Variants in MMP3 observed in about 807,000 individuals in gnomAD.
The protein encoded by MMP3 is matrix metallopeptidase 3, also known as stromelysin-1.
A neutral mutation model predicts 47.3 loss-of-function variants in MMP3; 46 were observed. The ratio of observed to expected loss-of-function variants is 0.97; its 90% CI spans 0.77 to 1.24. MMP3 has a LOEUF of 1.24. Ranked by LOEUF, MMP3 falls within the 50% of genes most tolerant of loss-of-function variation. MMP3 has a pLI of 0.00. For synonymous variants in MMP3, 216 were observed against 206.5 expected (o/e 1.05, Z -0.39); for missense variants, 558 against 565.5 (o/e 0.99, Z 0.13).
In MMP3 at chr11:102,836,117, A is replaced by T. The variant is rs781803923; in HGVS notation, c.*9T>A. On this transcript the variant is annotated 3_prime_UTR_variant, in exon 10 of 10. Transcript: ENST00000299855. The surrounding 1 kb of genome is among the most constrained non-coding windows in gnomAD (Gnocchi z 4.6). ...AAAGTGCCCATATTGTGCCTTCTAC[A>T]TATCTCTTTCAACAATTAAGCCAGC... 1.2e-6 allele frequency: 2 copies of T among 1,604,480 alleles called. No homozygotes were observed. Among genetic ancestry groups the T allele is most frequent in the South Asian group, 2.2e-5 (2 of 90,778 alleles).
chr11:102,839,175 G>A lies in MMP3; in HGVS notation c.1004C>T (p.Ser335Phe), dbSNP rs994597015. ...ELHLISSFWP[S>F]LPSGVDAAYE... is the part of the protein sequence containing the mutation. ...TGCGGCATCCACGCCTGAAGGAAGA[G>A]ATGGCCAAAATGAAGAGATCAAATG... is the stretch of plus-strand genomic sequence containing the variant. The change falls in exon 7 of 10, where the codon TCT (serine) becomes TTT (phenylalanine). Residue 335 changes from serine to phenylalanine, a missense_variant. Physicochemically the swap from Ser to Phe is radical, Grantham distance 155. Coordinates refer to ENST00000299855, the MANE Select transcript of MMP3 (RefSeq NM_002422.5). 2.5e-6 allele frequency: 4 copies of A among 1,614,154 alleles called. No homozygotes were observed. Among genetic ancestry groups the A allele is most frequent in the Non-Finnish European group, 3.4e-6 (4 of 1,180,016 alleles).
chr11:102,839,974 G>T (rs1018925352), intron 6 of MMP3, 134 bp downstream of exon 6: 2 of 987,458 alleles, frequency 2.0e-6, no homozygotes, highest in Non-Finnish European at 1.4e-6. Flanking sequence ...GGCAGCACCA[G>T]ATCTAAATGA....
chr11:102,839,309 A>G lies in MMP3; in HGVS notation c.936-66T>C, dbSNP rs1476853454. ...CTTTCACCTTTAGAATATTTTCCTC[A>G]CCGTCTTGCCTCACCCAGCTTCCCC... On this transcript the variant is annotated intron_variant, in intron 6 of 9. Transcript: ENST00000299855. The G allele has an allele frequency of 1.9e-6, 3 of 1,590,334 alleles. No individual in the cohort carries two copies. The African/African-American group carries it at 4.0e-5, about 21-fold the overall frequency.
chr11:102,843,299 C>G, intron 1 of MMP3, 143 bp downstream of exon 1: 1 of 659,872 alleles, frequency 1.5e-6, no homozygotes, highest in South Asian at 1.9e-5. Flanking sequence ...ACCTTTTCCA[C>G]TTCCAACACT....
chr11:102,837,408 C>A lies in MMP3; in HGVS notation c.1230-7G>T. On this transcript the variant is annotated splice_region_variant and splice_polypyrimidine_tract_variant and intron_variant, in intron 8 of 9. Transcript: ENST00000299855. The surrounding 1 kb of genome is among the most constrained non-coding windows in gnomAD (Gnocchi z 4.4). ...ATTTCTCTTCTCATCAAATCTGTAC[C>A]AAGTAAAAGAAACAGCTCAGCATTG... 1 of 1,607,912 alleles carries A rather than the reference C, an allele frequency of 6.2e-7. No individual in the cohort carries two copies. Among genetic ancestry groups the A allele is most frequent in the South Asian group, 1.1e-5 (1 of 90,842 alleles).
At chr11:102,840,698 G>C in intron 4 of MMP3, 105 bp from the exon 5 acceptor site, 1 of 1,122,644 alleles carries the variant, frequency 8.9e-7, no homozygotes, top group Non-Finnish European at 1.3e-6. Flanking sequence ...AACCACACAG[G>C]GCTTTTTACA....
At chr11:102,838,224 C>T (rs1858920185) in intron 8 of MMP3, among the ~76,000 whole-genome samples, 1 of 152,144 alleles carries the variant, frequency 6.6e-6, no homozygotes, top group African/African-American at 2.4e-5. Flanking sequence ...CTAAAGTCCA[C>T]GAGGGAAAGC....
At position 102,840,567 on chromosome 11, in the gene MMP3, G is replaced by C. The variant is rs1858978108; in HGVS notation, c.652C>G (p.His218Asp). 6.2e-7 allele frequency: 1 copy of C among 1,612,336 alleles called. No individual in the cohort carries two copies. Among genetic ancestry groups the C allele is most frequent in the Admixed American group, 1.7e-5 (1 of 59,424 alleles). ...TGTNLFLVAA[H>D]EIGHSLGLFH... is the part of the protein sequence containing the mutation. ...AGACCCAGGGAGTGGCCAATTTCAT[G>C]AGCAGCAACGAGAAATAAATTGGTC... Residue 218 changes from histidine (H) to aspartate (D), a missense_variant, in exon 5 of 10, where the codon CAT becomes GAT. Transcript: ENST00000299855.
At chr11:102,840,704 T>C in intron 4 of MMP3, 111 bp from the exon 5 acceptor site, 1 of 1,059,506 alleles carries the variant, frequency 9.4e-7, no homozygotes, top group Non-Finnish European at 1.3e-6. Context: ...ACAGGGCTTT[T>C]TACACCTTGT....
In MMP3 at chr11:102,836,165, C is replaced by T. The variant is rs1555004512; in HGVS notation, c.1395G>A (p.Val465=). Residue 465 remains valine, a synonymous_variant, in exon 10 of 10, where the codon GTG becomes GTA. Coordinates refer to ENST00000299855, the MANE Select transcript of MMP3 (RefSeq NM_002422.5). This position sits in a 1 kb window ranked among gnomAD's most constrained non-coding sequence, Gnocchi z 4.6. ...QLEFDPNAKK[V]THTLKSNSWL... ...AGCTGTTACTCTTCAAAGTGTGTGT[C>T]ACTTTCTTTGCATTTGGGTCAAACT... The T allele has an allele frequency of 1.2e-6, 2 of 1,614,028 alleles. No homozygotes were observed. Among genetic ancestry groups the T allele is most frequent in the South Asian group, 2.2e-5 (2 of 91,064 alleles).
At chr11:102,840,618 G>A (rs373918413) in intron 4 of MMP3, 25 bp from the exon 5 acceptor site, 63 of 1,610,258 alleles carry the variant, frequency 3.9e-5, no homozygotes, top group Non-Finnish European at 4.9e-5. Context: ...GAGAACAATA[G>A]TTACTTATTT....
Position 102,838,671 on chromosome 11 carries a change from G to C in MMP3, c.1109C>G (p.Ala370Gly). ...FWAIRGNEVR[A>G]GYPRGIHTLG... ...GGTGTGGATGCCTCTTGGGTATCCA[G>C]CTCGTACCTCATTTCCTCTGATAGC... Residue 370 changes from alanine (A) to glycine (G), a missense_variant, in exon 8 of 10, where the codon GCT becomes GGT. Transcript: ENST00000299855. 4 of 1,613,164 alleles carry C rather than the reference G, an allele frequency of 2.5e-6. No individual in the cohort carries two copies. Among genetic ancestry groups the C allele is most frequent in the Non-Finnish European group, 3.4e-6 (4 of 1,179,790 alleles).
chr11:102,836,152 T>G lies in MMP3; in HGVS notation c.1408A>C (p.Lys470Gln), dbSNP rs1858876987. 1 of 1,613,788 alleles carries G rather than the reference T, an allele frequency of 6.2e-7. No homozygotes were observed. Among genetic ancestry groups the G allele is most frequent in the Non-Finnish European group, 8.5e-7 (1 of 1,179,774 alleles). The change falls in exon 10 of 10, where the codon AAG becomes CAG. Residue 470 changes from lysine (K) to glutamine (Q), a missense_variant. By Grantham distance (53) the Lys-to-Gln change is moderately conservative (BLOSUM62 1). Transcript: ENST00000299855. The surrounding 1 kb of genome is among the most constrained non-coding windows in gnomAD (Gnocchi z 4.6). ...CAACAATTAAGCCAGCTGTTACTCT[T>G]CAAAGTGTGTGTCACTTTCTTTGCA... is the stretch of plus-strand genomic sequence containing the variant. ...PNAKKVTHTL[K>Q]SNSWLNC
At chr11:102,838,366 G>A (rs1376002013) in intron 8 of MMP3, among the ~76,000 whole-genome samples, 185 bp downstream of exon 8, 1 of 152,082 alleles carries the variant, frequency 6.6e-6, no homozygotes, top group African/African-American at 2.4e-5. Context: ...CTGCACTTGG[G>A]ACTGAAAGCA....
At chr11:102,839,079 C>G in intron 7 of MMP3, 31 bp downstream of exon 7, 2 of 1,594,540 alleles carry the variant, frequency 1.3e-6, no homozygotes, top group Non-Finnish European at 1.7e-6. Flanking sequence ...TTTACTTTGG[C>G]AAGTTAAACA....
At chr11:102,841,336 C>G (rs1858993249) in intron 4 of MMP3, among the ~76,000 whole-genome samples, 1 of 152,096 alleles carries the variant, frequency 6.6e-6, no homozygotes, top group Admixed American at 6.5e-5. Flanking sequence ...ACTTGTGATG[C>G]TAGGAACAAT....
In MMP3 at chr11:102,842,747, C is replaced by T. The variant is rs1555005777; in HGVS notation, c.275G>A (p.Cys92Tyr). Residue 92 changes from cysteine to tyrosine, a missense_variant, in exon 2 of 10, where the codon TGT becomes TAT. Physicochemically the swap from Cys to Tyr is radical, Grantham distance 194. Coordinates refer to ENST00000299855, the MANE Select transcript of MMP3 (RefSeq NM_002422.5). ...GAAGTGACCAACATCAGGAACTCCA[C>T]ACCTGGGCTTGCGCATCACCTCCAG... ...DTLEVMRKPR[C>Y]GVPDVGHFRT... 1.2e-6 allele frequency: 2 copies of T among 1,614,012 alleles called. No homozygotes were observed. Among genetic ancestry groups the T allele is most frequent in the African/African-American group, 1.3e-5 (1 of 75,042 alleles).
chr11:102,842,812 GA>G lies in MMP3; in HGVS notation c.209del (p.Phe70SerfsTer6). ...GCTTCCCCGTCACCTCCAATCCAAG[GA>G]ACTTCTGCATTTCTCGGATTTTTTT... ...VVKKIREMQK[F>X]LGLEVTGKLD... is the part of the protein sequence containing the mutation. On this transcript the variant is annotated frameshift_variant, in exon 2 of 10. Transcript: ENST00000299855. LOFTEE classifies it high-confidence loss of function. 2 of 1,613,804 alleles carry G rather than the reference GA, an allele frequency of 1.2e-6. No individual in the cohort carries two copies. The highest frequency in any genetic ancestry group is 1.1e-5 in the South Asian group (1 of 91,068).
At chr11:102,840,713 G>A in intron 4 of MMP3, 120 bp from the exon 5 acceptor site, 1 of 975,464 alleles carries the variant, frequency 1.0e-6, no homozygotes. Context: ...TTTACACCTT[G>A]TTTGTTGGTT....
Sources: allele counts gnomAD v4.1 joint callset (sites outside exome capture counted in the v4.1 genomes callset), GRCh38; gene constraint gnomAD v4.1.1; non-coding constraint Gnocchi (gnomAD v3.1); transcripts MANE v1.5; gene names NCBI Gene and HGNC (gene_info 2026-07-23, HGNC 2026-07-21).